Variants in HHLA1 observed in about 807,000 individuals in gnomAD.
HHLA1 encodes the protein HHLA1 neighbor of OC90.
A neutral mutation model predicts 69.9 loss-of-function variants in HHLA1; 72 were observed. The observed-to-expected ratio is 1.03, with a 90% confidence interval of 0.85 to 1.25. The LOEUF is 1.25. HHLA1 is among the 50% of genes most tolerant of loss of function. The pLI, the probability that HHLA1 is intolerant of heterozygous loss-of-function variation, is 0.00. For missense variants in HHLA1, 685 were observed against 642.2 expected (o/e 1.07, Z -0.72); for synonymous variants, 252 against 233.2 (o/e 1.08, Z -0.73).
chr8:132,080,879 A>G (rs1373147783), intron 10 of HHLA1: 2 of 151,974 alleles, frequency 1.3e-5, no homozygotes, highest in African/African-American at 4.8e-5. Flanking sequence ...GTAAGGGGTG[A>G]TATTGTGGGG....
At chr8:132,100,811 CAG>C (rs1824099837) in intron 3 of HHLA1, among the ~76,000 whole-genome samples, 1 of 152,126 alleles carries the variant, frequency 6.6e-6, no homozygotes, top group African/African-American at 2.4e-5. Context: ...AGCCTGGTGT[CAG>C]GGGATGGAGA....
At chr8:132,077,160 G>T (rs1168656331) in intron 12 of HHLA1, among the ~76,000 whole-genome samples, 3 of 152,186 alleles carry the variant, frequency 2.0e-5, no homozygotes, top group African/African-American at 7.2e-5. Context: ...AAGGAAAGAG[G>T]TGAGGCTGAG....
At chr8:132,087,509 A>AT (rs1823882801) in intron 10 of HHLA1, 144 bp downstream of exon 10, 3 of 608,678 alleles carry the variant, frequency 4.9e-6, no homozygotes, top group African/African-American at 1.9e-5. Context: ...CCAGAAATTC[A>AT]TTTTTTTAAA....
intron 7 of HHLA1, among the ~76,000 whole-genome samples, chr8:132,093,025 G>C (rs571718091): frequency 1.3e-5 from 2 of 152,150 alleles, no homozygotes; most frequent in Non-Finnish European, 1.5e-5. Context: ...AGGCTATTTT[G>C]GAGTCATTTG....
chr8:132,110,183 G>A (rs937960151), intron 1 of HHLA1, among the ~76,000 whole-genome samples: 1 of 152,198 alleles, frequency 6.6e-6, no homozygotes, highest in African/African-American at 2.4e-5. Flanking sequence ...CTGTGGAGAG[G>A]TGGAAATACA....
chr8:132,099,640 G>T (rs2130897760), intron 4 of HHLA1, among the ~76,000 whole-genome samples: 1 of 152,290 alleles, frequency 6.6e-6, no homozygotes, highest in East Asian at 1.9e-4. Flanking sequence ...GATCACATGG[G>T]ATCAGGAGTT....
intron 16 of HHLA1, 44 bp downstream of exon 16, chr8:132,065,842 T>C (rs1408777788): frequency 2.2e-6 from 2 of 926,784 alleles, no homozygotes; most frequent in South Asian, 1.4e-5. Flanking sequence ...TTTTGTGTAA[T>C]GCATTCACTG....
intron 14 of HHLA1, among the ~76,000 whole-genome samples, chr8:132,073,414 G>A (rs1823581972): frequency 6.6e-6 from 1 of 152,172 alleles, no homozygotes; most frequent in Non-Finnish European, 1.5e-5. Flanking sequence ...TTCCATCAAT[G>A]TGCCCATGAG....
rs1482850558 is a variant in HHLA1 at position 132,105,932 on chromosome 8, C to T, written c.-21-646G>A. On this transcript the variant is annotated intron_variant, in intron 1 of 16. Transcript: ENST00000414222. Reference sequence around the variant, plus strand: ...TTTCCTTCTCTGCAGCACTCTGTGCCTGCCATTCTCATTTTGCATTTGCCA... The same window carrying T: ...TTTCCTTCTCTGCAGCACTCTGTGCTTGCCATTCTCATTTTGCATTTGCCA... Among the ~76,000 whole-genome samples the T allele has an allele frequency of 2.6e-5, 4 of 152,206 alleles. No homozygotes were observed. The East Asian group carries it at 7.7e-4, about 29-fold the overall frequency.
At chr8:132,072,212 G>C (rs1316699851) in intron 14 of HHLA1, among the ~76,000 whole-genome samples, 1 of 152,056 alleles carries the variant, frequency 6.6e-6, no homozygotes, top group Non-Finnish European at 1.5e-5. Context: ...AAAAGAAGGA[G>C]ACAACAAATT....
At chr8:132,099,550 A>G (rs1824081302) in intron 4 of HHLA1, among the ~76,000 whole-genome samples, 1 of 152,154 alleles carries the variant, frequency 6.6e-6, no homozygotes, top group Non-Finnish European at 1.5e-5. Flanking sequence ...TCCCCCGGCT[A>G]TTCCTTAATG....
intron 10 of HHLA1, among the ~76,000 whole-genome samples, chr8:132,085,972 G>A (rs1160750400): frequency 2.6e-5 from 4 of 152,084 alleles, no homozygotes; most frequent in African/African-American, 9.7e-5. Flanking sequence ...CAGGGGTTGC[G>A]ATGGCTTGGC....
chr8:132,097,591 A>G (rs1824045489), intron 5 of HHLA1, among the ~76,000 whole-genome samples: 1 of 152,208 alleles, frequency 6.6e-6, no homozygotes, highest in African/African-American at 2.4e-5. Flanking sequence ...GGCCTTGCAG[A>G]GGAAAGGACA....
At chr8:132,091,586 T>A (rs1278134263) in intron 7 of HHLA1, among the ~76,000 whole-genome samples, 1 of 152,242 alleles carries the variant, frequency 6.6e-6, no homozygotes, top group Non-Finnish European at 1.5e-5. Context: ...AACTCAAAGA[T>A]ATTCTTTGCA....
chr8:132,104,107 C>T lies in HHLA1; in HGVS notation c.139+1G>A. ...AAAAGGAGCCCTTATCACCCACTTA[C>T]CTGTTGTAGGTAAAAAGGTCATTCC... On this transcript the variant is annotated splice_donor_variant, in intron 3 of 16. Coordinates refer to ENST00000414222, the MANE Select transcript of HHLA1 (RefSeq NM_001145095.3). LOFTEE classifies it high-confidence loss of function. The T allele has an allele frequency of 1.3e-6, 2 of 1,549,402 alleles. No individual in the cohort carries two copies. The highest frequency in any genetic ancestry group is 2.7e-5 in the African/African-American group (2 of 73,108).
chr8:132,077,762 T>G lies in HHLA1; in HGVS notation c.1135A>C (p.Thr379Pro), dbSNP rs1823669788. The change falls in exon 12 of 17, where the codon ACA (threonine) becomes CCA (proline). Residue 379 changes from threonine (T) to proline (P), a missense_variant. By Grantham distance (38) the Thr-to-Pro change is conservative. Transcript: ENST00000414222. ...LLAPAAEIMA[T>P]PGSPSQASPT... Reference sequence around the variant, plus strand: ...CTGGCCTGGGATGGGCTGCCAGGTGTGGCCATTATCTCAGCAGCAGGCGCC... The same window carrying G: ...CTGGCCTGGGATGGGCTGCCAGGTGGGGCCATTATCTCAGCAGCAGGCGCC... 1 of 1,551,564 alleles carries G rather than the reference T, an allele frequency of 6.4e-7. No homozygotes were observed. Among genetic ancestry groups the G allele is most frequent in the African/African-American group, 1.4e-5 (1 of 73,032 alleles).
At chr8:132,084,050 T>C (rs910731501) in intron 10 of HHLA1, among the ~76,000 whole-genome samples, 11 of 151,914 alleles carry the variant, frequency 7.2e-5, no homozygotes, top group Admixed American at 6.6e-5. Flanking sequence ...TTTTTATATT[T>C]GATGAAAAAG....
rs1271400744 is a variant in HHLA1, at chr8:132,098,914, A to G, written c.248T>C (p.Leu83Pro). The G allele has an allele frequency of 6.4e-7, 1 of 1,551,374 alleles. No individual in the cohort carries two copies. Among genetic ancestry groups the G allele is most frequent in the East Asian group, 2.4e-5 (1 of 40,916 alleles). The part of the protein sequence containing the change: ...IDLSALNLTE[L>P]VNGMLSRALK... ...CGCTCTACTGAGCATCCCATTCACAAGCTCTGTCAGGTTAAGCGCGGACAG... is the reference window on the plus strand; with the variant it reads ...CGCTCTACTGAGCATCCCATTCACAGGCTCTGTCAGGTTAAGCGCGGACAG... The change falls in exon 5 of 17, where the codon CTT becomes CCT. Residue 83 changes from leucine (L) to proline (P), a missense_variant. Coordinates refer to ENST00000414222, the MANE Select transcript of HHLA1 (RefSeq NM_001145095.3).
intron 10 of HHLA1, chr8:132,085,430 C>G (rs1472029344): frequency 2.6e-6 from 1 of 384,488 alleles, no homozygotes; most frequent in Non-Finnish European, 5.2e-6. Context: ...TGAGATGTTT[C>G]TTGGGCTGGT....
Sources: allele counts gnomAD v4.1 joint callset (sites outside exome capture counted in the v4.1 genomes callset), GRCh38; gene constraint gnomAD v4.1.1; transcripts MANE v1.5; gene names NCBI Gene and HGNC (gene_info 2026-07-23, HGNC 2026-07-21).